The following CTNND2 variants were observed in gnomAD, a reference collection of about 807,000 sequenced individuals.
The protein encoded by CTNND2 is catenin delta 2, also known as catenin delta-2.
CTNND2 carries 22 observed loss-of-function variants against 144.4 expected under a neutral mutation model. That is an observed-to-expected ratio of 0.15 (90% CI 0.11 to 0.22). The LOEUF (loss-of-function observed/expected upper bound fraction) is 0.22, where lower values mean the gene tolerates loss of function less well. Ranked by LOEUF, CTNND2 falls within the 10% of genes least tolerant of loss-of-function variation. The pLI, the probability that CTNND2 is intolerant of heterozygous loss-of-function variation, is 1.00. For synonymous variants in CTNND2, 751 were observed against 695.6 expected, an observed-to-expected ratio of 1.08 and a Z score of -1.25; for missense variants, 1,353 against 1,618.8, an observed-to-expected ratio of 0.84 and a Z score of 2.82.
intron 1 of CTNND2, among the ~76,000 whole-genome samples, chr5:11,796,832 AAATT>A (rs1791431611): frequency 6.6e-6 from 1 of 152,166 alleles, no homozygotes; most frequent in South Asian, 2.1e-4. Flanking sequence ...TTGCTGCTAA[AAATT>A]AATAGTTACA....
chr5:11,896,914 A>G, intron 1 of CTNND2, among the ~76,000 whole-genome samples: 1 of 152,158 alleles, frequency 6.6e-6, no homozygotes, highest in Non-Finnish European at 1.5e-5. Flanking sequence ...CCTGCTATGA[A>G]TTTAACATTA....
At chr5:11,663,877 A>C (rs1783409883) in intron 2 of CTNND2, among the ~76,000 whole-genome samples, 1 of 152,150 alleles carries the variant, frequency 6.6e-6, no homozygotes, top group Non-Finnish European at 1.5e-5. Flanking sequence ...TATGCTTCTA[A>C]ATTATATTAG....
At chr5:11,641,496 T>C (rs993402765) in intron 2 of CTNND2, among the ~76,000 whole-genome samples, 1 of 151,062 alleles carries the variant, frequency 6.6e-6, no homozygotes, top group East Asian at 2.0e-4. Flanking sequence ...CATGCACACA[T>C]ATACACGTAT....
At chr5:11,046,479 A>C (rs1745272619) in intron 16 of CTNND2, among the ~76,000 whole-genome samples, 1 of 152,198 alleles carries the variant, frequency 6.6e-6, no homozygotes, top group African/African-American at 2.4e-5. Context: ...CCATGCAGTT[A>C]GGGGCACTTT....
intron 3 of CTNND2, among the ~76,000 whole-genome samples, chr5:11,519,803 G>C (rs150956955): frequency 8.6e-5 from 13 of 152,036 alleles, no homozygotes; most frequent in African/African-American, 3.1e-4. Context: ...CCTCCTTTCT[G>C]AGAAAACTGT....
chr5:11,494,863 G>T (rs2149999035), intron 3 of CTNND2, among the ~76,000 whole-genome samples: 1 of 152,168 alleles, frequency 6.6e-6, no homozygotes, highest in Non-Finnish European at 1.5e-5. Context: ...TTGAACAAAA[G>T]ACCACGAAAG....
At chr5:11,732,375 A>G (rs1230218045) in intron 1 of CTNND2, 103 bp from the exon 2 acceptor site, 1 of 1,152,510 alleles carries the variant, frequency 8.7e-7, no homozygotes, top group East Asian at 2.4e-5. Context: ...AAGTAAAACT[A>G]TAAGCTGCTG....
rs183546183 is a variant in CTNND2 at position 11,199,769 on chromosome 5, C to T, written c.1762-108G>A. The T allele has an allele frequency of 7.0e-3, 5,481 of 787,016 alleles. 28 individuals are homozygous for T. The highest frequency in any genetic ancestry group is 9.2e-3 in the Non-Finnish European group (4,370 of 474,526). 48.8% of individuals were successfully genotyped at this position (787,016 alleles called of 1,614,324 possible). A position where few individuals can be genotyped will look rare whatever the true frequency, so the allele number is the denominator to read the frequency against. On this transcript the variant is annotated intron_variant, in intron 10 of 21. Coordinates refer to ENST00000304623, the MANE Select transcript of CTNND2 (RefSeq NM_001332.4). ...TCTGCTAACAATTAATCGCACCAAA[C>T]TGAATTAAGGCATACAAAAGGAAAC... is the stretch of plus-strand genomic sequence containing the variant.
intron 9 of CTNND2, among the ~76,000 whole-genome samples, chr5:11,323,033 ATTTG>A (rs748533359): frequency 5.3e-5 from 8 of 152,062 alleles, no homozygotes; most frequent in South Asian, 2.1e-4. Flanking sequence ...TTTACCACAC[ATTTG>A]TTTGTTTGTT....
chr5:11,573,086 T>C (rs1777699085), intron 2 of CTNND2, among the ~76,000 whole-genome samples: 1 of 152,196 alleles, frequency 6.6e-6, no homozygotes. Context: ...AGCTAATCTT[T>C]GGGAAGCTAC....
rs145242038 is a variant in CTNND2 at position 11,433,974 on chromosome 5, T to A, written c.288-21905A>T. Among the ~76,000 whole-genome samples the A allele has an allele frequency of 9.8e-3, 1,485 of 152,294 alleles. 11 individuals are homozygous for A. Among genetic ancestry groups the A allele is most frequent in the South Asian group, 0.017 (80 of 4,822 alleles). ...GTGCCAGTGGTTTCAAACCAAGATA[T>A]TTCCCCAAGAAACAAAAAGCATATA... is the stretch of plus-strand genomic sequence containing the variant. On this transcript the variant is annotated intron_variant, in intron 3 of 21. Transcript: ENST00000304623.
At chr5:11,663,867 T>C (rs1485620581) in intron 2 of CTNND2, among the ~76,000 whole-genome samples, 1 of 152,170 alleles carries the variant, frequency 6.6e-6, no homozygotes, top group African/African-American at 2.4e-5. Context: ...AGTAACTTAT[T>C]ATGCTTCTAA....
At chr5:11,421,486 C>T (rs1762360902) in intron 3 of CTNND2, among the ~76,000 whole-genome samples, 1 of 152,170 alleles carries the variant, frequency 6.6e-6, no homozygotes, top group Non-Finnish European at 1.5e-5. Flanking sequence ...ACCGGCTTTG[C>T]TAGTAACATC....
chr5:11,315,889 T>A (rs960699570), intron 9 of CTNND2, among the ~76,000 whole-genome samples: 4 of 152,156 alleles, frequency 2.6e-5, no homozygotes, highest in African/African-American at 7.2e-5. Context: ...TGATGTCTTA[T>A]CACCAGTAGA....
chr5:11,880,623 G>T (rs1157565916), intron 1 of CTNND2, among the ~76,000 whole-genome samples: 2 of 110,170 alleles, frequency 1.8e-5, no homozygotes, highest in African/African-American at 7.1e-5. Flanking sequence ...CACTACTACT[G>T]CTACTAGTAC....
intron 18 of CTNND2, among the ~76,000 whole-genome samples, chr5:11,006,317 C>A (rs1248545785): frequency 6.6e-6 from 1 of 152,236 alleles, no homozygotes; most frequent in Non-Finnish European, 1.5e-5. Flanking sequence ...ATGTCCCAGC[C>A]TCTCCTTGTG....
intron 1 of CTNND2, among the ~76,000 whole-genome samples, chr5:11,761,789 A>G (rs930991161): frequency 1.3e-5 from 2 of 152,174 alleles, no homozygotes; most frequent in Non-Finnish European, 2.9e-5. Context: ...TTTCTGGTAT[A>G]CTGTGCACTA....
intron 3 of CTNND2, among the ~76,000 whole-genome samples, chr5:11,515,191 T>G (rs1278706590): frequency 6.6e-6 from 1 of 151,234 alleles, no homozygotes; most frequent in Non-Finnish European, 1.5e-5. Flanking sequence ...AGACTCTGAG[T>G]GTGTATTTTC....
chr5:11,138,864 T>C (rs575282431), intron 12 of CTNND2, among the ~76,000 whole-genome samples: 1 of 152,338 alleles, frequency 6.6e-6, no homozygotes, highest in South Asian at 2.1e-4. Flanking sequence ...TGATTAGTCA[T>C]GAGGAGGTTC....
Sources: allele counts gnomAD v4.1 joint callset (sites outside exome capture counted in the v4.1 genomes callset), GRCh38; gene constraint gnomAD v4.1.1; transcripts MANE v1.5; gene names NCBI Gene and HGNC (gene_info 2026-07-23, HGNC 2026-07-21).